Variants in RALA observed in about 807,000 individuals in gnomAD.
RALA encodes ras-related protein Ral-A.
Under a neutral mutation model 24.0 loss-of-function variants are expected in RALA, and 5 were observed. The ratio of observed to expected loss-of-function variants is 0.21; its 90% CI spans 0.11 to 0.44. The LOEUF (loss-of-function observed/expected upper bound fraction) is 0.44. Among genes scored for constraint, RALA ranks in the 20% least tolerant of loss-of-function variants. The pLI, the probability that RALA is intolerant of heterozygous loss-of-function variation, is 0.99. For synonymous variants in RALA, 77 were observed against 83.8 expected (o/e 0.92, Z 0.44); for missense variants, 95 against 241.2 (o/e 0.39, Z 4.01).
chr7:39,688,571 CAT>C (rs1383426601), intron 2 of RALA, among the ~76,000 whole-genome samples: 6 of 139,728 alleles, frequency 4.3e-5, no homozygotes, highest in Non-Finnish European at 9.1e-5. Flanking sequence ...AGAATATTCA[CAT>C]GCCTAATTTT....
At chr7:39,660,369 TC>T (rs1792166752) in intron 1 of RALA, among the ~76,000 whole-genome samples, 1 of 151,848 alleles carries the variant, frequency 6.6e-6, no homozygotes. Context: ...GTAAAATGAC[TC>T]CCACTTGTGA....
intron 2 of RALA, among the ~76,000 whole-genome samples, chr7:39,687,586 C>T (rs1183402239): frequency 6.6e-6 from 1 of 152,176 alleles, no homozygotes; most frequent in Non-Finnish European, 1.5e-5. Flanking sequence ...CAGACTTCAT[C>T]ATCCCTGAGT....
intron 1 of RALA, among the ~76,000 whole-genome samples, chr7:39,682,691 G>A (rs1456893654): frequency 6.6e-6 from 1 of 152,164 alleles, no homozygotes; most frequent in Non-Finnish European, 1.5e-5. Context: ...TGCCCAGGCT[G>A]GAGTGCAGTG....
At position 39,625,196 on chromosome 7, in the gene RALA, T is replaced by C. The variant is rs577111309; in HGVS notation, c.-38+1371T>C. ...TTTTTGTTGGGCTAGGCTGTTTGTT[T>C]TGTTTTAGGTTCTTGCCACTTACAG... is the stretch of plus-strand genomic sequence containing the variant. On this transcript the variant is annotated intron_variant, in intron 1 of 4. Coordinates refer to ENST00000005257, the MANE Select transcript of RALA (RefSeq NM_005402.4). Among the ~76,000 whole-genome samples, 3 of 152,344 alleles carry C rather than the reference T, an allele frequency of 2.0e-5. No individual in the cohort carries two copies. The East Asian group carries it at 5.8e-4, about 29-fold the overall frequency.
intron 1 of RALA, among the ~76,000 whole-genome samples, chr7:39,673,174 C>T (rs1009911108): frequency 6.6e-6 from 1 of 151,662 alleles, no homozygotes; most frequent in African/African-American, 2.4e-5. Flanking sequence ...GGCGACAGAG[C>T]GAGACTCTGT....
intron 3 of RALA, among the ~76,000 whole-genome samples, chr7:39,692,268 A>T (rs775132334): frequency 6.6e-6 from 1 of 152,172 alleles, no homozygotes; most frequent in Non-Finnish European, 1.5e-5. Flanking sequence ...TATATATGCA[A>T]TGTCCTTGCT....
chr7:39,689,395 T>A (rs918478044), intron 2 of RALA, among the ~76,000 whole-genome samples: 1 of 152,214 alleles, frequency 6.6e-6, no homozygotes, highest in Non-Finnish European at 1.5e-5. Context: ...TGTCCATTTT[T>A]AAAATAATTA....
At chr7:39,631,855 T>C (rs1264729132) in intron 1 of RALA, among the ~76,000 whole-genome samples, 2 of 152,220 alleles carry the variant, frequency 1.3e-5, no homozygotes, top group Non-Finnish European at 2.9e-5. Flanking sequence ...GACTGGGTAA[T>C]TCATAAAGGA....
At chr7:39,625,623 A>G (rs759718660) in intron 1 of RALA, among the ~76,000 whole-genome samples, 4 of 152,196 alleles carry the variant, frequency 2.6e-5, no homozygotes, top group African/African-American at 7.2e-5. Context: ...GCTGTTCTCT[A>G]GTGTGTTTGC....
chr7:39,699,141 T>G (rs1018088777), intron 4 of RALA, among the ~76,000 whole-genome samples: 8 of 127,674 alleles, frequency 6.3e-5, no homozygotes, highest in African/African-American at 2.4e-4. Flanking sequence ...TTTTTTTTTT[T>G]TTTTTTTTTT....
chr7:39,678,847 A>G (rs1792535066), intron 1 of RALA, among the ~76,000 whole-genome samples: 1 of 152,172 alleles, frequency 6.6e-6, no homozygotes, highest in Admixed American at 6.5e-5. Context: ...TTTTAATTAT[A>G]TTTTTTAAAT....
intron 1 of RALA, among the ~76,000 whole-genome samples, chr7:39,652,765 T>C (rs1792038948): frequency 6.6e-6 from 1 of 152,072 alleles, no homozygotes; most frequent in African/African-American, 2.4e-5. Context: ...GTTGAATTAA[T>C]TAATTTTATT....
intron 4 of RALA, 23 bp from the exon 5 acceptor site, chr7:39,706,100 T>C: frequency 6.3e-7 from 1 of 1,583,028 alleles, no homozygotes; most frequent in Non-Finnish European, 8.6e-7. Flanking sequence ...TTGCTTTATT[T>C]ATCCTATTTT....
At chr7:39,627,792 C>G (rs1440329165) in intron 1 of RALA, among the ~76,000 whole-genome samples, 2 of 152,188 alleles carry the variant, frequency 1.3e-5, no homozygotes, top group Non-Finnish European at 2.9e-5. Flanking sequence ...ATGGTTGGAA[C>G]CCATCTGATA....
intron 1 of RALA, among the ~76,000 whole-genome samples, chr7:39,680,976 A>C (rs2116051220): frequency 6.6e-6 from 1 of 152,342 alleles, no homozygotes; most frequent in African/African-American, 2.4e-5. Flanking sequence ...TGCAGCCGGC[A>C]TCTATACCCC....
chr7:39,648,638 G>A (rs1791969279), intron 1 of RALA, among the ~76,000 whole-genome samples: 1 of 152,118 alleles, frequency 6.6e-6, no homozygotes, highest in South Asian at 2.1e-4. Context: ...AGTAATTTAG[G>A]ATCTCTTAGA....
At chr7:39,652,222 A>C (rs972355222) in intron 1 of RALA, among the ~76,000 whole-genome samples, 9 of 152,124 alleles carry the variant, frequency 5.9e-5, no homozygotes, top group Admixed American at 5.9e-4. Context: ...CACCAATCCC[A>C]CCCATGAGGG....
At chr7:39,696,413 T>C (rs1290795137) in intron 3 of RALA, among the ~76,000 whole-genome samples, 1 of 152,118 alleles carries the variant, frequency 6.6e-6, no homozygotes, top group East Asian at 1.9e-4. Flanking sequence ...CATGGCCAAC[T>C]CAAGGCTAAA....
chr7:39,653,103 C>T (rs1186880870), intron 1 of RALA, among the ~76,000 whole-genome samples: 1 of 151,856 alleles, frequency 6.6e-6, no homozygotes, highest in Non-Finnish European at 1.5e-5. Context: ...GATCTCGGCT[C>T]ACTGCAACCT....
Sources: gnomAD v4.1 joint callset for allele counts (sites outside exome capture counted in the v4.1 genomes callset) on GRCh38, gnomAD v4.1.1 for gene constraint, MANE v1.5 for transcripts, NCBI Gene and HGNC (gene_info 2026-07-23, HGNC 2026-07-21) for gene names.